The following KCNC3 variants were observed in gnomAD, a reference collection of about 807,000 sequenced individuals.
KCNC3 encodes the protein potassium voltage-gated channel subfamily C member 3, also known as voltage-gated potassium channel KCNC3.
Under a neutral mutation model 43.9 loss-of-function variants are expected in KCNC3, and 22 were observed. The ratio of observed to expected loss-of-function variants is 0.50; its 90% confidence interval spans 0.36 to 0.72. The LOEUF is 0.72. Among genes scored for constraint, KCNC3 ranks in the 30% least tolerant of loss-of-function variants. The pLI is 0.00. For synonymous variants in KCNC3, 492 were observed against 488.0 expected (o/e 1.01, Z -0.11); for missense variants, 829 against 1,073.8 (o/e 0.77, Z 3.19).
chr19:50,329,017 C>A lies in KCNC3; in HGVS notation c.66G>T (p.Ala22=). The change falls in exon 1 of 5, where the codon GCG becomes GCT. Residue 22 remains alanine (A), a synonymous_variant. Coordinates refer to ENST00000477616, the MANE Select transcript of KCNC3 (RefSeq NM_004977.3). ...GRQGASKQQP[A]PPPQPPESPP... ...GGGACTCGGGCGGCTGCGGCGGTGG[C>A]GCCGGCTGCTGCTTGCTGGCCCCCT... is the stretch of plus-strand genomic sequence containing the variant. 1 of 1,307,832 alleles carries A rather than the reference C, an allele frequency of 7.6e-7. No individual in the cohort carries two copies. 81.0% of individuals were successfully genotyped at this position (1,307,832 alleles called of 1,614,324 possible).
chr19:50,317,630 G>A (rs1000738623), intron 4 of KCNC3, among the ~76,000 whole-genome samples: 1 of 152,054 alleles, frequency 6.6e-6, no homozygotes, highest in African/African-American at 2.4e-5. Context: ...CTTGGCCACT[G>A]GGATCAGCCT....
chr19:50,315,862 G>GGCA lies in KCNC3; in HGVS notation c.*252_*253insTGC. The GGCA allele has an allele frequency of 3.1e-6, 1 of 317,892 alleles. No individual in the cohort carries two copies. Among genetic ancestry groups the GGCA allele is most frequent in the Non-Finnish European group, 6.1e-6 (1 of 164,444 alleles). 19.7% of individuals were successfully genotyped at this position (317,892 alleles called of 1,614,324 possible). A position where few individuals can be genotyped will look rare whatever the true frequency, so the allele number is the denominator to read the frequency against. On this transcript the variant is annotated 3_prime_UTR_variant, in exon 5 of 5. Transcript: ENST00000477616. ...TGTGTGTGGTTTCTGCAAAGCCTGGGGCTGCCTGCAGGGTTCTGCACCCCC... is the reference window on the plus strand; with the variant it reads ...TGTGTGTGGTTTCTGCAAAGCCTGGGGCAGCTGCCTGCAGGGTTCTGCACCCCC...
intron 2 of KCNC3, among the ~76,000 whole-genome samples, chr19:50,321,765 G>A (rs1299230729): frequency 2.0e-5 from 3 of 151,632 alleles, no homozygotes; most frequent in Non-Finnish European, 2.9e-5. Flanking sequence ...GTGAGACTCC[G>A]TCTTGGAATA....
In KCNC3 at chr19:50,327,833, C is replaced by T. The variant is rs368858592; in HGVS notation, c.870+380G>A. Among the ~76,000 whole-genome samples, 101 of 151,574 alleles carry T rather than the reference C, an allele frequency of 6.7e-4. 1 individual carries two copies. In the South Asian group the frequency reaches 0.021, roughly 31 times the overall value. On this transcript the variant is annotated intron_variant, in intron 1 of 4. Transcript: ENST00000477616. ...AGTAGTGAGAAGAGATTTGATGGGGCCCAGGAGACATGAGGGTTGGGGAGG... is the reference window on the plus strand; with the variant it reads ...AGTAGTGAGAAGAGATTTGATGGGGTCCAGGAGACATGAGGGTTGGGGAGG...
intron 1 of KCNC3, among the ~76,000 whole-genome samples, chr19:50,327,849 G>A (rs1368438085): frequency 6.6e-6 from 1 of 151,732 alleles, no homozygotes; most frequent in Non-Finnish European, 1.5e-5. Flanking sequence ...AGACATGAGG[G>A]TTGGGGAGGG....
intron 1 of KCNC3, among the ~76,000 whole-genome samples, chr19:50,327,205 C>A (rs914201748): frequency 6.6e-6 from 1 of 151,752 alleles, no homozygotes; most frequent in African/African-American, 2.4e-5. Flanking sequence ...GGAGGAAGAA[C>A]AATTCTGGAG....
At position 50,323,915 on chromosome 19, in the gene KCNC3, G is replaced by A. The variant is rs1000435321; in HGVS notation, c.1038C>T (p.Pro346=). ...ACACCCCCTCCACGTAGGTCAGGAA[G>A]GGCTCCGTCTCCACCTCCACGTTGG... ...NITNVEVETE[P]FLTYVEGVCV... is the part of the protein sequence containing the mutation. Residue 346 remains proline (P), a synonymous_variant, in exon 2 of 5, where the codon CCC becomes CCT. Coordinates refer to ENST00000477616, the MANE Select transcript of KCNC3 (RefSeq NM_004977.3). 1.9e-5 allele frequency: 30 copies of A among 1,614,120 alleles called. No individual in the cohort carries two copies. Among genetic ancestry groups the A allele is most frequent in the Non-Finnish European group, 2.5e-5 (29 of 1,180,056 alleles).
At chr19:50,326,926 G>GC (rs1005469269) in intron 1 of KCNC3, among the ~76,000 whole-genome samples, 2 of 151,486 alleles carry the variant, frequency 1.3e-5, no homozygotes, top group Admixed American at 1.3e-4. Context: ...GCACGGCGGG[G>GC]GGGGAGGTTC....
At chr19:50,321,076 T>C (rs2037028421) in intron 2 of KCNC3, among the ~76,000 whole-genome samples, 1 of 151,286 alleles carries the variant, frequency 6.6e-6, no homozygotes, top group African/African-American at 2.4e-5. Flanking sequence ...GTTGGACAGA[T>C]TGTGGTGGTG....
At chr19:50,322,916 C>T in intron 2 of KCNC3, 59 bp downstream of exon 2, 14 of 1,506,382 alleles carry the variant, frequency 9.3e-6, no homozygotes, top group Non-Finnish European at 1.2e-5. Context: ...CCGGCAGCTA[C>T]CTCCCCAGTC....
At chr19:50,331,559 GGTGTATTTCCCCC>G, upstream of KCNC3, among the ~76,000 whole-genome samples, 2 of 84,758 alleles carry the variant, frequency 2.4e-5, no homozygotes, top group African/African-American at 1.1e-4. Context: ...CCCCATCTCT[GGTGTATTTCCCCC>G]TCCTTCTTCC....
intron 4 of KCNC3, among the ~76,000 whole-genome samples, chr19:50,319,321 GCCT>G (rs2036997030): frequency 6.6e-6 from 1 of 151,724 alleles, no homozygotes; most frequent in African/African-American, 2.4e-5. Flanking sequence ...TGTCACCTCA[GCCT>G]CCTAACTTCC....
upstream of KCNC3, among the ~76,000 whole-genome samples, chr19:50,331,611 CCTCCTTCTTCCCCTTCTCCCCATCTCT>C (rs2037190185): frequency 2.8e-5 from 4 of 144,224 alleles, 1 homozygote; most frequent in Admixed American, 7.0e-5. Flanking sequence ...TGTATTTCCC[CCTCCTTCTTCCCCTTCTCCCCATCTCT>C]GGTGTATTTC....
At chr19:50,331,393 C>T (rs1267977688), upstream of KCNC3, among the ~76,000 whole-genome samples, 5 of 151,870 alleles carry the variant, frequency 3.3e-5, no homozygotes, top group Admixed American at 6.6e-5. Flanking sequence ...CCTCTACTCC[C>T]TCCCCGCAAC....
intron 4 of KCNC3, 144 bp from the exon 5 acceptor site, chr19:50,316,235 A>C (rs1317005718): frequency 4.9e-6 from 1 of 205,790 alleles, no homozygotes; most frequent in Non-Finnish European, 1.0e-5. Flanking sequence ...GGAGGGGAGC[A>C]GTGAAATGGG....
chr19:50,328,981 TGGC>T lies in KCNC3; in HGVS notation c.99_101del (p.Pro35del), dbSNP rs995280885. ...GCTGCTGCTGCTGCGGCGGCAGCGG[TGGC>T]GGCGGCGGGGACTCGGGCGGCTGCG... On this transcript the variant is annotated inframe_deletion, in exon 1 of 5. Transcript: ENST00000477616. 14 of 1,073,424 alleles carry T rather than the reference TGGC, an allele frequency of 1.3e-5. No homozygotes were observed. The highest frequency in any genetic ancestry group is 3.3e-5 in the South Asian group (1 of 30,166). 66.5% of individuals were successfully genotyped at this position (1,073,424 alleles called of 1,614,324 possible). A position where few individuals can be genotyped will look rare whatever the true frequency, so the allele number is the denominator to read the frequency against.
Position 50,329,064 on chromosome 19 carries a change from C to A in KCNC3, c.19G>T (p.Val7Phe), listed in dbSNP as rs765025599. The part of the protein sequence containing the change: MLSSVC[V>F]SSFRGRQGAS... Reference sequence around the variant, plus strand: ...CCCTGGCGCCCGCGGAAGGACGAGACGCAGACTGAGCTCAGCATTGGACGG... The same window carrying A: ...CCCTGGCGCCCGCGGAAGGACGAGAAGCAGACTGAGCTCAGCATTGGACGG... Residue 7 changes from valine to phenylalanine, a missense_variant, in exon 1 of 5, where the codon GTC (valine) becomes TTC (phenylalanine). Transcript: ENST00000477616. 6.9e-6 allele frequency: 9 copies of A among 1,312,490 alleles called. No homozygotes were observed. The highest frequency in any genetic ancestry group is 8.8e-6 in the Non-Finnish European group (9 of 1,022,182). The allele number at this position is 1,312,490 out of a possible 1,614,324, so 81.3% of individuals were successfully genotyped here.
In KCNC3 at chr19:50,323,446, TC is replaced by T; in HGVS notation, c.1506del (p.Thr503ProfsTer27). On this transcript the variant is annotated frameshift_variant, in exon 2 of 5. Coordinates refer to ENST00000477616, the MANE Select transcript of KCNC3 (RefSeq NM_004977.3). LOFTEE classifies it high-confidence loss of function. ...IGFWWAVVTM[T>X]TLGYGDMYPK... The stretch of plus-strand genomic sequence containing the variant: ...GGGTACATGTCTCCATAGCCCAGGG[TC>T]GTCATGGTGACCACAGCCCACCAGA... 6.2e-7 allele frequency: 1 copy of T among 1,614,038 alleles called. No homozygotes were observed. Among genetic ancestry groups the T allele is most frequent in the Non-Finnish European group, 8.5e-7 (1 of 1,180,012 alleles).
In KCNC3 at chr19:50,323,205, G is replaced by A; in HGVS notation, c.1748C>T (p.Pro583Leu). 1.3e-6 allele frequency: 2 copies of A among 1,524,452 alleles called. No individual in the cohort carries two copies. The highest frequency in any genetic ancestry group is 4.9e-5 in the East Asian group (2 of 40,970). The allele number at this position is 1,524,452 out of a possible 1,614,324, so 94.4% of individuals were successfully genotyped here. A position where few individuals can be genotyped will look rare whatever the true frequency, so the allele number is the denominator to read the frequency against. The part of the protein sequence containing the change: ...NYCKPDPPPP[P>L]PPHPHHGSGG... ...GCTGCCGTGGTGCGGGTGGGGCGGGGGTGGCGGGGGTGGGTCAGGCTTGCA... is the reference window on the plus strand; with the variant it reads ...GCTGCCGTGGTGCGGGTGGGGCGGGAGTGGCGGGGGTGGGTCAGGCTTGCA... The change falls in exon 2 of 5, where the codon CCC becomes CTC. Residue 583 changes from proline (P) to leucine (L), a missense_variant. By Grantham distance (98) the Pro-to-Leu change is moderately conservative. Coordinates refer to ENST00000477616, the MANE Select transcript of KCNC3 (RefSeq NM_004977.3).
Sources: allele counts gnomAD v4.1 joint callset (sites outside exome capture counted in the v4.1 genomes callset), GRCh38; gene constraint gnomAD v4.1.1; transcripts MANE v1.5; gene names NCBI Gene and HGNC (gene_info 2026-07-23, HGNC 2026-07-21).